USP32: variants seen among roughly 807,000 people sequenced by gnomAD.
USP32 encodes the protein ubiquitin carboxyl-terminal hydrolase 32.
Under a neutral mutation model 204.8 loss-of-function variants are expected in USP32, and 59 were observed. The observed-to-expected ratio is 0.29, with a 90% confidence interval of 0.23 to 0.36. The LOEUF (loss-of-function observed/expected upper bound fraction) is 0.36, where lower values mean the gene tolerates loss of function less well. USP32 is among the 10% of genes least tolerant of loss of function. The probability of loss-of-function intolerance (pLI) is 1.00; values close to 1 mark genes in which losing one functional copy is unlikely to be tolerated. For synonymous variants in USP32, 517 were observed against 678.4 expected, an observed-to-expected ratio of 0.76 and a Z score of 3.70; for missense variants, 1,160 against 1,946.4, an observed-to-expected ratio of 0.60 and a Z score of 7.60.
chr17:60,222,250 G>A (rs1427634750), intron 15 of USP32, among the ~76,000 whole-genome samples, 159 bp downstream of exon 15: 2 of 152,184 alleles, frequency 1.3e-5, no homozygotes, highest in African/African-American at 4.8e-5. Context: ...ATGAACGAAT[G>A]TGAAGGAACT....
chr17:60,250,882 A>G (rs2086148264), intron 11 of USP32, among the ~76,000 whole-genome samples: 1 of 152,160 alleles, frequency 6.6e-6, no homozygotes, highest in Non-Finnish European at 1.5e-5. Context: ...GATTTTGCTT[A>G]ATCTTCTTTA....
At chr17:60,394,164 C>A (rs984947544), upstream of USP32, among the ~76,000 whole-genome samples, 3 of 152,122 alleles carry the variant, frequency 2.0e-5, no homozygotes, top group Non-Finnish European at 4.4e-5. Flanking sequence ...CTTTAATTTC[C>A]AGGTCATTAG....
chr17:60,326,169 T>A (rs1567853434), intron 2 of USP32, among the ~76,000 whole-genome samples: 1 of 151,674 alleles, frequency 6.6e-6, no homozygotes, highest in Non-Finnish European at 1.5e-5. Context: ...AATAAGTAAA[T>A]AAGTAAGATT....
chr17:60,227,628 G>C (rs986122341), intron 12 of USP32, among the ~76,000 whole-genome samples: 1 of 150,418 alleles, frequency 6.6e-6, no homozygotes, highest in Non-Finnish European at 1.5e-5. Flanking sequence ...GGCTAGGTCA[G>C]TCTTGAACTC....
chr17:60,244,128 C>T (rs1444533451), intron 11 of USP32, among the ~76,000 whole-genome samples: 1 of 150,152 alleles, frequency 6.7e-6, no homozygotes, highest in Middle Eastern at 3.4e-3. Flanking sequence ...CCCCGCCTCC[C>T]GGGTTCACGC....
At chr17:60,331,719 G>T (rs1335654605) in intron 2 of USP32, among the ~76,000 whole-genome samples, 1 of 136,128 alleles carries the variant, frequency 7.3e-6, no homozygotes, top group Non-Finnish European at 1.6e-5. Context: ...AGACCAGCCT[G>T]GGGAACACAG....
chr17:60,324,591 C>T (rs982511955), intron 2 of USP32, among the ~76,000 whole-genome samples: 4 of 152,182 alleles, frequency 2.6e-5, no homozygotes, highest in Admixed American at 6.5e-5. Context: ...TTTATCTTTT[C>T]TTTGTTTCAA....
At chr17:60,388,597 A>C (rs1473517603) in intron 1 of USP32, among the ~76,000 whole-genome samples, 1 of 152,196 alleles carries the variant, frequency 6.6e-6, no homozygotes, top group Non-Finnish European at 1.5e-5. Context: ...GTATCCATGA[A>C]GTACAAGTGT....
intron 1 of USP32, among the ~76,000 whole-genome samples, chr17:60,384,370 T>C (rs1386382922): frequency 6.6e-6 from 1 of 152,234 alleles, no homozygotes; most frequent in Non-Finnish European, 1.5e-5. Flanking sequence ...GACAACTTCC[T>C]CTGTAAAATC....
chr17:60,390,413 C>G (rs1437605169), intron 1 of USP32, among the ~76,000 whole-genome samples: 1 of 152,130 alleles, frequency 6.6e-6, no homozygotes, highest in African/African-American at 2.4e-5. Flanking sequence ...AACAGCATCC[C>G]GGAAATGACT....
In USP32 at chr17:60,193,012, C is replaced by T. The variant is rs1382099086; in HGVS notation, c.3435-82G>A. ...TCCTCTTCATCTTCTCTTGAAGTAA[C>T]CCTAGGAAGGGGCATTTGCCATAGC... On this transcript the variant is annotated intron_variant, in intron 27 of 33. Coordinates refer to ENST00000300896, the MANE Select transcript of USP32 (RefSeq NM_032582.4). 5 of 1,470,834 alleles carry T rather than the reference C, an allele frequency of 3.4e-6. No individual in the cohort carries two copies. The African/African-American group carries it at 6.9e-5, about 20-fold the overall frequency. The allele number at this position is 1,470,834 out of a possible 1,614,324, so 91.1% of individuals were successfully genotyped here. A position where few individuals can be genotyped will look rare whatever the true frequency, so the allele number is the denominator to read the frequency against.
chr17:60,307,769 C>T (rs1372657017), intron 2 of USP32, among the ~76,000 whole-genome samples: 1 of 152,134 alleles, frequency 6.6e-6, no homozygotes, highest in East Asian at 1.9e-4. Flanking sequence ...CCAAATGTTG[C>T]ATTTTCCAAG....
At position 60,226,033 on chromosome 17, in the gene USP32, A is replaced by G. The variant is rs1211407265; in HGVS notation, c.1432+6T>C. ...AATAAACCTCAGGGGAATAGGTCAT[A>G]TTTACCGCTGCCAGCAGTTTCTGAG... On this transcript the variant is annotated splice_donor_region_variant and intron_variant, in intron 13 of 33. Coordinates refer to ENST00000300896, the MANE Select transcript of USP32 (RefSeq NM_032582.4). 37 of 1,596,204 alleles carry G rather than the reference A, an allele frequency of 2.3e-5. No individual in the cohort carries two copies. The highest frequency in any genetic ancestry group is 3.1e-5 in the Non-Finnish European group (36 of 1,173,962).
At chr17:60,262,394 G>C (rs2086475975) in intron 9 of USP32, among the ~76,000 whole-genome samples, 1 of 152,212 alleles carries the variant, frequency 6.6e-6, no homozygotes, top group Non-Finnish European at 1.5e-5. Context: ...GTTTCGCCAT[G>C]TTGGCCAGGC....
At chr17:60,241,697 T>C (rs577396589) in intron 11 of USP32, among the ~76,000 whole-genome samples, 16 of 152,354 alleles carry the variant, frequency 1.1e-4, no homozygotes, top group African/African-American at 3.8e-4. Flanking sequence ...TCAACTCTTT[T>C]ACACATTTTA....
chr17:60,181,949 A>C (rs984471981), intron 31 of USP32, among the ~76,000 whole-genome samples: 2 of 152,242 alleles, frequency 1.3e-5, no homozygotes, highest in Non-Finnish European at 2.9e-5. Flanking sequence ...CCCTATAAGC[A>C]ACAATGTCCT....
intron 15 of USP32, among the ~76,000 whole-genome samples, chr17:60,220,726 C>T (rs1433827810): frequency 6.6e-6 from 1 of 152,044 alleles, no homozygotes; most frequent in African/African-American, 2.4e-5. Flanking sequence ...TCACCGCAAG[C>T]TCTGCCTCCC....
intron 2 of USP32, among the ~76,000 whole-genome samples, chr17:60,312,199 G>T (rs1319912226): frequency 3.3e-5 from 5 of 152,132 alleles, no homozygotes. Flanking sequence ...TACTATCTCA[G>T]GACAGAAGGC....
chr17:60,345,633 G>A, intron 1 of USP32, 25 bp from the exon 2 acceptor site: 8 of 1,613,362 alleles, frequency 5.0e-6, no homozygotes, highest in Non-Finnish European at 5.9e-6. Context: ...CAGAAGATGG[G>A]TAAGAAATCA....
Sources: allele counts gnomAD v4.1 joint callset (sites outside exome capture counted in the v4.1 genomes callset), GRCh38; gene constraint gnomAD v4.1.1; transcripts MANE v1.5; gene names NCBI Gene and HGNC (gene_info 2026-07-23, HGNC 2026-07-21).